Variants in SLMAP observed in about 807,000 individuals in gnomAD.
The protein encoded by SLMAP is sarcolemmal membrane-associated protein.
In SLMAP, 44 loss-of-function variants were observed where a neutral mutation model predicts 128.8. That is an observed-to-expected ratio of 0.34 (90% CI 0.27 to 0.44). The LOEUF (loss-of-function observed/expected upper bound fraction) is 0.44. SLMAP is among the 20% of genes least tolerant of loss of function. SLMAP has a pLI of 1.00. For synonymous variants in SLMAP, 327 were observed against 348.8 expected (o/e 0.94, Z 0.70); for missense variants, 787 against 985.3 (o/e 0.80, Z 2.69).
intron 17 of SLMAP, chr3:57,900,334 A>G (rs1308666980): frequency 6.6e-6 from 1 of 152,252 alleles, no homozygotes; most frequent in Admixed American, 6.5e-5. Context: ...TCCCTGATAT[A>G]GTAATCATTT....
chr3:57,890,363 T>G (rs910333636), intron 15 of SLMAP: 3 of 329,106 alleles, frequency 9.1e-6, no homozygotes, highest in Non-Finnish European at 1.7e-5. Flanking sequence ...TCTTTAGGTA[T>G]TAAAGATTTG....
chr3:57,912,372 C>T lies in SLMAP; in HGVS notation c.1700-9C>T. 6.2e-7 allele frequency: 1 copy of T among 1,601,644 alleles called. No individual in the cohort carries two copies. Among genetic ancestry groups the T allele is most frequent in the Non-Finnish European group, 8.6e-7 (1 of 1,169,392 alleles). On this transcript the variant is annotated splice_polypyrimidine_tract_variant and intron_variant, in intron 19 of 24. Coordinates refer to ENST00000671191, the MANE Select transcript of SLMAP (RefSeq NM_001377540.1). ...ATGGGCCAAGAAAATGATGGATATA[C>T]TTTTGCAGCCCAATTGCAGAGGTTA...
At chr3:57,786,501 A>G (rs540697919) in intron 2 of SLMAP, among the ~76,000 whole-genome samples, 66 of 152,084 alleles carry the variant, frequency 4.3e-4, no homozygotes, top group Middle Eastern at 3.4e-3. Context: ...ACAGTAATAC[A>G]TTCTACTACA....
At chr3:57,766,067 C>G (rs568798145) in intron 2 of SLMAP, among the ~76,000 whole-genome samples, 1 of 147,896 alleles carries the variant, frequency 6.8e-6, no homozygotes, top group African/African-American at 2.5e-5. Flanking sequence ...GGCGCGATCT[C>G]GGCTCATTGT....
intron 22 of SLMAP, 86 bp downstream of exon 22, chr3:57,917,163 G>A: frequency 6.3e-7 from 1 of 1,587,274 alleles, no homozygotes; most frequent in Non-Finnish European, 8.6e-7. Context: ...TAGAAATAAA[G>A]GGAAGCAGAA....
At position 57,885,771 on chromosome 3, in the gene SLMAP, C is replaced by CTTTTTTT. The variant is rs35541333; in HGVS notation, c.1301-4246_1301-4240dup. On this transcript the variant is annotated intron_variant, in intron 14 of 24. Transcript: ENST00000671191. ...TTGTTTTGCTTTTCGGTTTTTGGTTCTTTTTTTTTTTTTTTTTTTTTTTTT... is the reference window on the plus strand; with the variant it reads ...TTGTTTTGCTTTTCGGTTTTTGGTTCTTTTTTTTTTTTTTTTTTTTTTTTTTTTTTTT... 9.4e-3 allele frequency among the ~76,000 whole-genome samples: 501 copies of CTTTTTTT among 53,580 alleles called. 85 individuals are homozygous for CTTTTTTT. Among genetic ancestry groups the CTTTTTTT allele is most frequent in the Non-Finnish European group, 0.015 (453 of 30,204 alleles). The allele number at this position is 53,580 out of a possible 152,430, so 35.2% of individuals were successfully genotyped here. A position where few individuals can be genotyped will look rare whatever the true frequency, so the allele number is the denominator to read the frequency against.
At chr3:57,810,244 G>A (rs1381101580) in intron 2 of SLMAP, among the ~76,000 whole-genome samples, 1 of 152,214 alleles carries the variant, frequency 6.6e-6, no homozygotes, top group Non-Finnish European at 1.5e-5. Context: ...CAGCATGCCT[G>A]TGCACAGTGG....
In SLMAP at chr3:57,924,957, G is replaced by GTTTTTTGT. The variant is rs772495560; in HGVS notation, c.2446-882_2446-881insGTTTTTTT. ...CAGTGTTTTTTGTTTTTTGTTTTTT[G>GTTTTTTGT]TTTTTTTTTTTTTTGGTGACAGGGT... is the stretch of plus-strand genomic sequence containing the variant. On this transcript the variant is annotated intron_variant, in intron 23 of 24. Coordinates refer to ENST00000671191, the MANE Select transcript of SLMAP (RefSeq NM_001377540.1). Among the ~76,000 whole-genome samples the GTTTTTTGT allele has an allele frequency of 9.2e-3, 1,264 of 136,754 alleles. 20 individuals carry two copies. Among genetic ancestry groups the GTTTTTTGT allele is most frequent in the African/African-American group, 0.032 (1,176 of 37,264 alleles). 89.7% of individuals were successfully genotyped at this position (136,754 alleles called of 152,430 possible). A position where few individuals can be genotyped will look rare whatever the true frequency, so the allele number is the denominator to read the frequency against.
At chr3:57,827,902 C>G (rs531766157) in intron 2 of SLMAP, among the ~76,000 whole-genome samples, 1 of 152,170 alleles carries the variant, frequency 6.6e-6, no homozygotes, top group Admixed American at 6.5e-5. Flanking sequence ...GAAATGTACC[C>G]AGGGACTATA....
chr3:57,789,556 A>G (rs897141238), intron 2 of SLMAP, among the ~76,000 whole-genome samples: 1 of 152,168 alleles, frequency 6.6e-6, no homozygotes, highest in Non-Finnish European at 1.5e-5. Context: ...AAACTGACTT[A>G]GCAAGGTTCT....
intron 9 of SLMAP, among the ~76,000 whole-genome samples, chr3:57,861,526 G>A (rs2153600094): frequency 6.6e-6 from 1 of 152,202 alleles, no homozygotes; most frequent in Admixed American, 6.5e-5. Flanking sequence ...ATTCACTGTT[G>A]TGTGATTAAT....
intron 6 of SLMAP, among the ~76,000 whole-genome samples, chr3:57,850,771 C>T (rs1477197260): frequency 2.0e-5 from 3 of 152,086 alleles, no homozygotes; most frequent in Non-Finnish European, 4.4e-5. Flanking sequence ...GTGGCTGGGA[C>T]TACAGGCATC....
intron 8 of SLMAP, 49 bp from the exon 9 acceptor site, chr3:57,860,650 T>C: frequency 7.2e-7 from 1 of 1,383,600 alleles, no homozygotes; most frequent in Non-Finnish European, 9.7e-7. Context: ...AAACAATAAA[T>C]GCTTTTAAAA....
intron 2 of SLMAP, among the ~76,000 whole-genome samples, chr3:57,795,206 T>C (rs1357558210): frequency 6.6e-6 from 1 of 152,240 alleles, no homozygotes; most frequent in Non-Finnish European, 1.5e-5. Flanking sequence ...ATCAGACATT[T>C]GTATGTATCT....
At chr3:57,897,605 A>C (rs1377949719) in intron 17 of SLMAP, 2 of 152,196 alleles carry the variant, frequency 1.3e-5, no homozygotes, top group African/African-American at 4.8e-5. Flanking sequence ...CTGAGGCAGG[A>C]GAATTGCTTG....
chr3:57,802,339 A>G (rs2088711013), intron 2 of SLMAP, among the ~76,000 whole-genome samples: 1 of 151,452 alleles, frequency 6.6e-6, no homozygotes, highest in African/African-American at 2.4e-5. Context: ...GTGCAGTGGC[A>G]TGATCTCAGC....
chr3:57,837,097 C>G (rs1478929556), intron 3 of SLMAP, among the ~76,000 whole-genome samples: 1 of 152,228 alleles, frequency 6.6e-6, no homozygotes, highest in Non-Finnish European at 1.5e-5. Context: ...TTTACTCCCC[C>G]TAATAGACAT....
intron 2 of SLMAP, among the ~76,000 whole-genome samples, chr3:57,806,649 A>G (rs2089940794): frequency 6.6e-6 from 1 of 152,022 alleles, no homozygotes; most frequent in African/African-American, 2.4e-5. Context: ...CGTGTTGGCC[A>G]GGCTGTTCTC....
chr3:57,816,554 G>A (rs2091884373), intron 2 of SLMAP, among the ~76,000 whole-genome samples: 1 of 152,098 alleles, frequency 6.6e-6, no homozygotes, highest in Admixed American at 6.6e-5. Context: ...CCATTTTATA[G>A]TATGAATTAC....
Sources: allele counts gnomAD v4.1 joint callset (sites outside exome capture counted in the v4.1 genomes callset), GRCh38; gene constraint gnomAD v4.1.1; transcripts MANE v1.5; gene names NCBI Gene and HGNC (gene_info 2026-07-23, HGNC 2026-07-21).